AGPS: variants seen among roughly 807,000 people sequenced by gnomAD.
AGPS encodes the protein alkyldihydroxyacetonephosphate synthase, peroxisomal.
AGPS carries 26 observed loss-of-function variants against 90.7 expected under a neutral mutation model. The ratio of observed to expected loss-of-function variants is 0.29; its 90% CI spans 0.21 to 0.40. The LOEUF is 0.40. Among genes scored for constraint, AGPS ranks in the 10% least tolerant of loss-of-function variants. The probability of loss-of-function intolerance (pLI) is 1.00; values close to 1 mark genes in which losing one functional copy is unlikely to be tolerated. For synonymous variants in AGPS, 294 were observed against 285.3 expected (o/e 1.03, Z -0.31); for missense variants, 540 against 816.1 (o/e 0.66, Z 4.12).
chr2:177,405,564 A>C (rs1363123529), intron 1 of AGPS, among the ~76,000 whole-genome samples: 1 of 152,174 alleles, frequency 6.6e-6, no homozygotes, highest in Non-Finnish European at 1.5e-5. Flanking sequence ...AAAAGGCCTT[A>C]ACAGCCATGA....
intron 1 of AGPS, among the ~76,000 whole-genome samples, chr2:177,410,743 C>T (rs1685597043): frequency 6.6e-6 from 1 of 152,034 alleles, no homozygotes; most frequent in Middle Eastern, 3.2e-3. Flanking sequence ...AACCTCCTGG[C>T]CCTCAATGGT....
intron 1 of AGPS, among the ~76,000 whole-genome samples, chr2:177,416,222 A>C (rs902028027): frequency 3.1e-4 from 47 of 152,196 alleles, no homozygotes; most frequent in Admixed American, 2.1e-3. Context: ...AAGAATAAAG[A>C]AACTCTTTAT....
At chr2:177,496,503 C>G (rs1228451537) in intron 12 of AGPS, among the ~76,000 whole-genome samples, 1 of 152,102 alleles carries the variant, frequency 6.6e-6, no homozygotes, top group Non-Finnish European at 1.5e-5. Context: ...AAAAAATCCC[C>G]AAGCGTATCT....
chr2:177,462,154 GC>G (rs1687311887), intron 9 of AGPS, 136 bp downstream of exon 9: 1 of 635,964 alleles, frequency 1.6e-6, no homozygotes, highest in African/African-American at 1.9e-5. Context: ...ACTTTGGGAG[GC>G]CGAGGCGGGC....
In AGPS at chr2:177,447,948, C is replaced by T. The variant is rs2105646590; in HGVS notation, c.870+2322C>T. Reference sequence around the variant, plus strand: ...TTTAATCGCTTTAACTTGTAAATCACATTGATGTTAACATGATAAAATTTA... The same window carrying T: ...TTTAATCGCTTTAACTTGTAAATCATATTGATGTTAACATGATAAAATTTA... On this transcript the variant is annotated intron_variant, in intron 8 of 19. Transcript: ENST00000264167. Among the ~76,000 whole-genome samples the T allele has an allele frequency of 1.3e-5, 2 of 152,266 alleles. 1 individual carries two copies. Among genetic ancestry groups the T allele is most frequent in the South Asian group, 4.1e-4 (2 of 4,826 alleles).
intron 19 of AGPS, among the ~76,000 whole-genome samples, chr2:177,533,294 A>G (rs1316646294): frequency 6.6e-6 from 1 of 152,222 alleles, no homozygotes; most frequent in African/African-American, 2.4e-5. Flanking sequence ...ACATTAAACT[A>G]TTAATATTTC....
chr2:177,487,823 A>G (rs1034967492), intron 11 of AGPS, among the ~76,000 whole-genome samples: 3 of 152,156 alleles, frequency 2.0e-5, no homozygotes, highest in Non-Finnish European at 4.4e-5. Flanking sequence ...ACCAGAAGCC[A>G]CTCAGAACAA....
Position 177,441,050 on chromosome 2 carries a change from C to T in AGPS, c.709+14C>T, listed in dbSNP as rs1176538309. 6.3e-7 allele frequency: 1 copy of T among 1,594,502 alleles called. No individual in the cohort carries two copies. Among genetic ancestry groups the T allele is most frequent in the African/African-American group, 1.3e-5 (1 of 74,532 alleles). Reference sequence around the variant, plus strand: ...TACCAATTGGTGGTAGGTATTGTGCCTTTTGAATTTTAATATGTAAATTTG... The same window carrying T: ...TACCAATTGGTGGTAGGTATTGTGCTTTTTGAATTTTAATATGTAAATTTG... On this transcript the variant is annotated intron_variant, in intron 6 of 19. Coordinates refer to ENST00000264167, the MANE Select transcript of AGPS (RefSeq NM_003659.4).
intron 10 of AGPS, among the ~76,000 whole-genome samples, chr2:177,476,014 G>C (rs553647379): frequency 4.6e-5 from 7 of 151,532 alleles, no homozygotes; most frequent in Admixed American, 3.3e-4. Flanking sequence ...AAGATTACTA[G>C]TAATATCCCC....
chr2:177,476,658 G>T (rs934456007), intron 10 of AGPS, among the ~76,000 whole-genome samples: 5 of 152,070 alleles, frequency 3.3e-5, no homozygotes, highest in African/African-American at 9.7e-5. Flanking sequence ...TGGGTGGAGT[G>T]TTCTATTCTG....
chr2:177,514,937 C>A (rs1044585979), intron 17 of AGPS, among the ~76,000 whole-genome samples: 1 of 151,648 alleles, frequency 6.6e-6, no homozygotes, highest in African/African-American at 2.4e-5. Flanking sequence ...GCAGAAAGTA[C>A]TAAGTCATCT....
chr2:177,525,455 C>T (rs1298339370), intron 19 of AGPS, among the ~76,000 whole-genome samples: 1 of 152,034 alleles, frequency 6.6e-6, no homozygotes, highest in Non-Finnish European at 1.5e-5. Context: ...AAAACTTTCC[C>T]AGTGTAGCCA....
chr2:177,474,297 T>C (rs1687713934), intron 10 of AGPS, among the ~76,000 whole-genome samples: 1 of 152,176 alleles, frequency 6.6e-6, no homozygotes, highest in African/African-American at 2.4e-5. Context: ...TAAAATCTTG[T>C]TGTATGACTA....
intron 19 of AGPS, 66 bp downstream of exon 19, chr2:177,523,871 G>T (rs1371124074): frequency 7.7e-7 from 1 of 1,305,782 alleles, no homozygotes; most frequent in South Asian, 1.2e-5. Flanking sequence ...TCAGTAAAAT[G>T]CTAGGGAGAG....
intron 13 of AGPS, among the ~76,000 whole-genome samples, chr2:177,498,412 T>A (rs1688470335): frequency 6.6e-6 from 1 of 151,830 alleles, no homozygotes; most frequent in South Asian, 2.1e-4. Flanking sequence ...AATTATTAGA[T>A]GTCCTTTGTC....
chr2:177,459,039 A>G (rs1361186575), intron 8 of AGPS, among the ~76,000 whole-genome samples: 1 of 152,158 alleles, frequency 6.6e-6, no homozygotes, highest in Non-Finnish European at 1.5e-5. Flanking sequence ...CAACCATCTA[A>G]TCTTTCACAA....
intron 2 of AGPS, among the ~76,000 whole-genome samples, chr2:177,428,042 A>G (rs2105618704): frequency 6.6e-6 from 1 of 152,298 alleles, no homozygotes; most frequent in Admixed American, 6.5e-5. Flanking sequence ...TAGGATATTT[A>G]GCTCTTCTTG....
intron 2 of AGPS, among the ~76,000 whole-genome samples, chr2:177,430,241 A>C (rs1445434975): frequency 6.6e-6 from 1 of 152,164 alleles, no homozygotes; most frequent in East Asian, 1.9e-4. Flanking sequence ...AGATTGTTGC[A>C]CTGGCTGGCT....
In AGPS at chr2:177,466,955, G is replaced by A. The variant is rs543256218; in HGVS notation, c.997-1461G>A. 2.6e-5 allele frequency among the ~76,000 whole-genome samples: 4 copies of A among 152,282 alleles called. No individual in the cohort carries two copies. The East Asian group carries it at 7.7e-4, about 29-fold the overall frequency. On this transcript the variant is annotated intron_variant, in intron 9 of 19. Coordinates refer to ENST00000264167, the MANE Select transcript of AGPS (RefSeq NM_003659.4). The stretch of plus-strand genomic sequence containing the variant: ...GATGCCTGGATCCAGAGCCACAGCT[G>A]GGCTGCCACAGCTGCACTCAGGAAT...
Sources: allele counts gnomAD v4.1 joint callset (sites outside exome capture counted in the v4.1 genomes callset), GRCh38; gene constraint gnomAD v4.1.1; transcripts MANE v1.5; gene names NCBI Gene and HGNC (gene_info 2026-07-23, HGNC 2026-07-21).